OSTN: variants seen among roughly 807,000 people sequenced by gnomAD.
OSTN encodes osteocrin.
OSTN carries 9 observed loss-of-function variants against 12.0 expected under a neutral mutation model. That is an observed-to-expected ratio of 0.75 (90% confidence interval 0.45 to 1.30). The LOEUF (loss-of-function observed/expected upper bound fraction) is 1.30, where lower values mean the gene tolerates loss of function less well. Ranked by LOEUF, OSTN falls within the 50% of genes most tolerant of loss-of-function variation. The pLI is 0.00. For synonymous variants in OSTN, 59 were observed against 56.9 expected, an observed-to-expected ratio of 1.04 and a Z score of -0.16; for missense variants, 148 against 152.3, an observed-to-expected ratio of 0.97 and a Z score of 0.15.
At chr3:191,241,476 G>A (rs1256193235) in intron 3 of OSTN, among the ~76,000 whole-genome samples, 2 of 152,066 alleles carry the variant, frequency 1.3e-5, no homozygotes, top group African/African-American at 4.8e-5. Flanking sequence ...GAGCCAACGC[G>A]CCTGGCCAGC....
chr3:191,237,562 T>C (rs540660927), intron 3 of OSTN, among the ~76,000 whole-genome samples: 1 of 152,328 alleles, frequency 6.6e-6, no homozygotes, highest in South Asian at 2.1e-4. Context: ...GGGTATTATA[T>C]GCTGGCCTGC....
intron 4 of OSTN, among the ~76,000 whole-genome samples, chr3:191,260,524 C>T (rs1461245171): frequency 6.6e-6 from 1 of 152,096 alleles, no homozygotes; most frequent in East Asian, 1.9e-4. Context: ...ACCAGGTGTC[C>T]CCTCCTGGGA....
At position 191,203,492 on chromosome 3, in the gene OSTN, A is replaced by G. The variant is rs1344934405; in HGVS notation, c.-1+4185A>G. ...GGAAAAAAACAGACAGAGATAGTTA[A>G]AAATAAAATTTTAAGATTTTGGAAG... On this transcript the variant is annotated intron_variant, in intron 1 of 4. Coordinates refer to ENST00000682035, the MANE Select transcript of OSTN (RefSeq NM_198184.2). Among the ~76,000 whole-genome samples the G allele has an allele frequency of 2.0e-5, 3 of 152,348 alleles. No individual in the cohort carries two copies. The East Asian group carries it at 5.8e-4, about 29-fold the overall frequency.
intron 3 of OSTN, among the ~76,000 whole-genome samples, chr3:191,219,400 G>T (rs999021714): frequency 6.6e-6 from 1 of 152,218 alleles, no homozygotes; most frequent in Non-Finnish European, 1.5e-5. Context: ...TTCTCAGAAC[G>T]TGGAGTCAGA....
intron 1 of OSTN, among the ~76,000 whole-genome samples, chr3:191,210,217 A>C (rs1345604020): frequency 6.6e-6 from 1 of 152,206 alleles, no homozygotes; most frequent in Non-Finnish European, 1.5e-5. Flanking sequence ...CTCTCAGGAG[A>C]GAACAGCACC....
rs116432971 is a variant in OSTN at position 191,215,782 on chromosome 3, T to A, written c.103-2965T>A. Among the ~76,000 whole-genome samples, 1,253 of 152,272 alleles carry A rather than the reference T, an allele frequency of 8.2e-3. 20 individuals are homozygous for A. Among genetic ancestry groups the A allele is most frequent in the African/African-American group, 0.029 (1,192 of 41,560 alleles). ...CTTGAGCAGCTCTGCCCCTGAGGCT[T>A]TGCAGGGTACAGCCCCACTCTCAGC... is the stretch of plus-strand genomic sequence containing the variant. On this transcript the variant is annotated intron_variant, in intron 2 of 4. Transcript: ENST00000682035.
rs1715521741 is a variant in OSTN at position 191,249,925 on chromosome 3, T to G, written c.318-112T>G. ...GAGTACTGGTGAGTGGGAACTATCA[T>G]GTTTATTCCAACTCCCAAAGAAAGC... On this transcript the variant is annotated intron_variant, in intron 3 of 4. Transcript: ENST00000682035. 3.9e-5 allele frequency: 29 copies of G among 741,036 alleles called. No homozygotes were observed. In the South Asian group the frequency reaches 4.2e-4, roughly 11 times the overall value. The allele number at this position is 741,036 out of a possible 1,614,324, so 45.9% of individuals were successfully genotyped here.
intron 1 of OSTN, among the ~76,000 whole-genome samples, chr3:191,205,880 A>G (rs75672792): frequency 0.057 from 8,742 of 152,164 alleles, 479 homozygotes; most frequent in East Asian, 0.28. Flanking sequence ...AAAAAAGAGA[A>G]GTAAGAAAAA....
chr3:191,246,234 T>C (rs1040551392), intron 3 of OSTN, among the ~76,000 whole-genome samples: 1 of 151,962 alleles, frequency 6.6e-6, no homozygotes, highest in Non-Finnish European at 1.5e-5. Context: ...AGAGGGTTGG[T>C]TTTTCACTTC....
chr3:191,240,210 A>G (rs1715287636), intron 3 of OSTN, among the ~76,000 whole-genome samples: 1 of 152,092 alleles, frequency 6.6e-6, no homozygotes, highest in Non-Finnish European at 1.5e-5. Context: ...GTACACTTTG[A>G]TTATTTTCCT....
chr3:191,212,679 G>T, intron 2 of OSTN, 45 bp downstream of exon 2: 2 of 928,760 alleles, frequency 2.2e-6, no homozygotes, highest in Non-Finnish European at 3.0e-6. Context: ...TGTTTGACAT[G>T]CTTTATAAAT....
chr3:191,246,769 G>A (rs1285981807), intron 3 of OSTN, among the ~76,000 whole-genome samples: 1 of 129,728 alleles, frequency 7.7e-6, no homozygotes, highest in Non-Finnish European at 1.7e-5. Flanking sequence ...GGAGGAGAAG[G>A]AGGAGAAGAA....
chr3:191,257,716 A>C (rs1715703345), intron 4 of OSTN, among the ~76,000 whole-genome samples: 1 of 152,256 alleles, frequency 6.6e-6, no homozygotes, highest in African/African-American at 2.4e-5. Flanking sequence ...AAATGTCTAC[A>C]TTAAAATTTT....
intron 1 of OSTN, among the ~76,000 whole-genome samples, chr3:191,200,584 T>C (rs931546576): frequency 2.0e-5 from 3 of 152,030 alleles, no homozygotes; most frequent in African/African-American, 4.8e-5. Flanking sequence ...AATCCACCTA[T>C]ACAACTGCAG....
At chr3:191,238,306 G>C (rs1715242459) in intron 3 of OSTN, among the ~76,000 whole-genome samples, 1 of 152,076 alleles carries the variant, frequency 6.6e-6, no homozygotes, top group Non-Finnish European at 1.5e-5. Context: ...TTTTCCAAAG[G>C]GTGTTTTCAA....
At chr3:191,213,766 GTT>G (rs377486845) in intron 2 of OSTN, among the ~76,000 whole-genome samples, 1 of 146,346 alleles carries the variant, frequency 6.8e-6, no homozygotes, top group Admixed American at 6.8e-5. Context: ...TTTTCTAAAA[GTT>G]TTTTTTTTTA....
At chr3:191,212,448 C>A in intron 1 of OSTN, 85 bp from the exon 2 acceptor site, 3 of 751,930 alleles carry the variant, frequency 4.0e-6, no homozygotes, top group Non-Finnish European at 6.0e-6. Context: ...TACCATTTGC[C>A]TCTAACAGTC....
chr3:191,245,243 C>A (rs1715402559), intron 3 of OSTN, among the ~76,000 whole-genome samples: 1 of 152,142 alleles, frequency 6.6e-6, no homozygotes, highest in Non-Finnish European at 1.5e-5. Flanking sequence ...TGAGAGGTAA[C>A]CTTTGTCTTA....
chr3:191,206,652 G>A (rs981520362), intron 1 of OSTN, among the ~76,000 whole-genome samples: 2 of 152,198 alleles, frequency 1.3e-5, no homozygotes, highest in African/African-American at 4.8e-5. Context: ...AGGTCAGTTA[G>A]ACCATCTCCA....
Sources: allele counts gnomAD v4.1 joint callset (sites outside exome capture counted in the v4.1 genomes callset), GRCh38; gene constraint gnomAD v4.1.1; transcripts MANE v1.5; gene names NCBI Gene and HGNC (gene_info 2026-07-23, HGNC 2026-07-21).